TJP2: variants seen among roughly 807,000 people sequenced by gnomAD.
TJP2 encodes tight junction protein 2, also known as Friedreich ataxia region gene X104 (tight junction protein ZO-2).
TJP2 carries 91 observed loss-of-function variants against 133.1 expected under a neutral mutation model. That is an observed-to-expected ratio of 0.68 (90% CI 0.58 to 0.81). The LOEUF (loss-of-function observed/expected upper bound fraction) is 0.81, where lower values mean the gene tolerates loss of function less well. Among genes scored for constraint, TJP2 ranks in the 40% least tolerant of loss-of-function variants. The probability of loss-of-function intolerance (pLI) is 0.00; values close to 1 mark genes in which losing one functional copy is unlikely to be tolerated. For synonymous variants in TJP2, 592 were observed against 583.4 expected, an observed-to-expected ratio of 1.01 and a Z score of -0.21; for missense variants, 1,541 against 1,565.6, an observed-to-expected ratio of 0.98 and a Z score of 0.26.
Position 69,227,783 on chromosome 9 carries a change from C to T in TJP2, c.1229C>T (p.Ser410Leu). The T allele has an allele frequency of 6.2e-7, 1 of 1,610,312 alleles. No homozygotes were observed. Among genetic ancestry groups the T allele is most frequent in the Non-Finnish European group, 8.5e-7 (1 of 1,177,002 alleles). ...SEIEDISEIESNRSFSPEERR... is the reference protein window; with the variant it reads ...SEIEDISEIELNRSFSPEERR... ...AAACTAGATATTTCAGAAATAGAGT[C>T]AAACCGATCATTTTCTCCAGAGGAG... Residue 410 changes from serine (S) to leucine (L), a missense_variant, in exon 8 of 23, where the codon TCA (serine) becomes TTA (leucine). Transcript: ENST00000377245.
intron 1 of TJP2, among the ~76,000 whole-genome samples, chr9:69,182,698 C>G (rs1825596267): frequency 6.6e-6 from 1 of 151,532 alleles, no homozygotes; most frequent in South Asian, 2.1e-4. Context: ...GATAATGAAG[C>G]TTTTTCTGTG....
intron 10 of TJP2, 126 bp downstream of exon 10, chr9:69,229,376 A>G: frequency 1.1e-6 from 1 of 886,876 alleles, no homozygotes; most frequent in Non-Finnish European, 1.9e-6. Context: ...ACCTGTAACC[A>G]ATCCCCATTG....
chr9:69,229,149 C>A, intron 9 of TJP2, 35 bp from the exon 10 acceptor site: 1 of 1,598,994 alleles, frequency 6.3e-7, no homozygotes, highest in Non-Finnish European at 8.6e-7. Flanking sequence ...CTTGTTAGTC[C>A]AGATTGATAA....
At chr9:69,191,819 C>A (rs1826222924) in intron 1 of TJP2, among the ~76,000 whole-genome samples, 1 of 151,990 alleles carries the variant, frequency 6.6e-6, no homozygotes, top group Non-Finnish European at 1.5e-5. Flanking sequence ...TCATTGCAAC[C>A]TCCACCTCCC....
intron 18 of TJP2, among the ~76,000 whole-genome samples, chr9:69,247,674 T>C (rs1490660563): frequency 6.6e-6 from 1 of 152,008 alleles, no homozygotes; most frequent in African/African-American, 2.4e-5. Flanking sequence ...TGTGTTGATA[T>C]TACTAGGAGA....
At chr9:69,158,523 G>A (rs569088154) in intron 2 of TJP2, among the ~76,000 whole-genome samples, 2 of 152,078 alleles carry the variant, frequency 1.3e-5, no homozygotes, top group Admixed American at 6.6e-5. Flanking sequence ...TATGGGCTGC[G>A]CACAGCACTA....
At chr9:69,189,485 C>T (rs1826069953) in intron 1 of TJP2, among the ~76,000 whole-genome samples, 1 of 152,074 alleles carries the variant, frequency 6.6e-6, no homozygotes, top group Non-Finnish European at 1.5e-5. Context: ...AGTGTGGTGG[C>T]ATATGCCTGT....
intron 1 of TJP2, among the ~76,000 whole-genome samples, chr9:69,204,628 C>G (rs545564667): frequency 6.6e-6 from 1 of 152,334 alleles, no homozygotes; most frequent in East Asian, 1.9e-4. Context: ...CTTATCTTCC[C>G]CTTGTTATCT....
intron 3 of TJP2, among the ~76,000 whole-genome samples, chr9:69,217,489 C>T (rs1828478907): frequency 6.6e-6 from 1 of 152,102 alleles, no homozygotes; most frequent in South Asian, 2.1e-4. Context: ...GGCAGGAACG[C>T]TTGAGGCCAG....
intron 2 of TJP2, among the ~76,000 whole-genome samples, chr9:69,161,198 C>T (rs1033686160): frequency 1.3e-5 from 2 of 151,054 alleles, no homozygotes; most frequent in East Asian, 1.9e-4. Context: ...TGGCCAATAG[C>T]TGTAGGTCAT....
chr9:69,249,528 G>C (rs1003805028), intron 20 of TJP2, 43 bp downstream of exon 20: 24 of 1,566,942 alleles, frequency 1.5e-5, no homozygotes, highest in Non-Finnish European at 2.1e-5. Flanking sequence ...AGAGGAAGCA[G>C]ATGCCTCTGA....
chr9:69,229,187 C>T lies in TJP2; in HGVS notation c.1457C>T (p.Pro486Leu), dbSNP rs765902093. The T allele has an allele frequency of 6.2e-7, 1 of 1,614,086 alleles. No individual in the cohort carries two copies. The highest frequency in any genetic ancestry group is 1.7e-5 in the Admixed American group (1 of 60,024). Residue 486 changes from proline to leucine, a missense_variant, in exon 10 of 23, where the codon CCT (proline) becomes CTT (leucine). Physicochemically the swap from Pro to Leu is moderately conservative, Grantham distance 98. Coordinates refer to ENST00000377245, the MANE Select transcript of TJP2 (RefSeq NM_004817.4). ...GTAGATGTTTCTTAACCTACAGCTC[C>T]TCAACCAAAAGCAGCCCCGAGAACT... ...EPRYQEDPPA[P>L]QPKAAPRTFL...
At chr9:69,145,914 G>T (rs1357829959) in intron 1 of TJP2, 2 of 652,448 alleles carry the variant, frequency 3.1e-6, no homozygotes, top group Admixed American at 4.4e-5. Context: ...TCTGTCTTGT[G>T]GGGATAATAA....
chr9:69,201,539 T>TC lies in TJP2; in HGVS notation c.61-11009_61-11008insC, dbSNP rs1826992516. On this transcript the variant is annotated intron_variant, in intron 1 of 22. Coordinates refer to ENST00000377245, the MANE Select transcript of TJP2 (RefSeq NM_004817.4). ...GATCAGATGCTGGCTCCTGCAAAGC[T>TC]TCCTGAGGGCAGTGCTTTATTTGTT... 2.6e-5 allele frequency among the ~76,000 whole-genome samples: 4 copies of TC among 152,076 alleles called. No homozygotes were observed. In the South Asian group the frequency reaches 8.3e-4, roughly 32 times the overall value.
chr9:69,231,941 T>C (rs1420874884), intron 11 of TJP2, among the ~76,000 whole-genome samples: 1 of 152,218 alleles, frequency 6.6e-6, no homozygotes, highest in Non-Finnish European at 1.5e-5. Context: ...GAGCTTTTGC[T>C]CATTAAGGTT....
Position 69,213,368 on chromosome 9 carries a change from C to T in TJP2, c.114+767C>T, listed in dbSNP as rs535050817. Among the ~76,000 whole-genome samples, 4 of 152,222 alleles carry T rather than the reference C, an allele frequency of 2.6e-5. No individual in the cohort carries two copies. The South Asian group carries it at 6.2e-4, about 24-fold the overall frequency. On this transcript the variant is annotated intron_variant, in intron 2 of 22. Transcript: ENST00000377245. The stretch of plus-strand genomic sequence containing the variant: ...GAGCCACCGTGCCCAGACGGTTCCG[C>T]ATTTTTATTCCGTCAAGCTGCCTTC...
At chr9:69,166,647 G>A (rs1824372938) in intron 2 of TJP2, among the ~76,000 whole-genome samples, 1 of 151,034 alleles carries the variant, frequency 6.6e-6, no homozygotes, top group South Asian at 2.1e-4. Flanking sequence ...GCTAAGTTTT[G>A]TATTTTTAGT....
chr9:69,240,685 G>A (rs893200752), intron 17 of TJP2, among the ~76,000 whole-genome samples: 1 of 152,092 alleles, frequency 6.6e-6, no homozygotes, highest in Non-Finnish European at 1.5e-5. Flanking sequence ...GCCTAGCATG[G>A]TGGTGCATGC....
Position 69,124,850 on chromosome 9 carries a change from A to C in TJP2, c.-131+3125A>C, listed in dbSNP as rs748575670. Among the ~76,000 whole-genome samples, 8 of 77,538 alleles carry C rather than the reference A, an allele frequency of 1.0e-4. 4 individuals carry two copies. The highest frequency in any genetic ancestry group is 3.1e-4 in the African/African-American group (8 of 25,420). 50.9% of individuals were successfully genotyped at this position (77,538 alleles called of 152,430 possible). On this transcript the variant is annotated intron_variant, in intron 1 of 5. Coordinates refer to the TJP2 transcript ENST00000423935. The stretch of plus-strand genomic sequence containing the variant: ...AGAAAACATTTCTTAGAAAATGTCC[A>C]GTGAATGGTTTTATCAGTGATTTCA...
Sources: allele counts gnomAD v4.1 joint callset (sites outside exome capture counted in the v4.1 genomes callset), GRCh38; gene constraint gnomAD v4.1.1; transcripts MANE v1.5; gene names NCBI Gene and HGNC (gene_info 2026-07-23, HGNC 2026-07-21).